SERPINI2: variants seen among roughly 807,000 people sequenced by gnomAD.
SERPINI2 encodes the protein serpin I2.
A neutral mutation model predicts 47.3 loss-of-function variants in SERPINI2; 48 were observed. The ratio of observed to expected loss-of-function variants is 1.02; its 90% CI spans 0.81 to 1.29. The LOEUF is 1.29. Among genes scored for constraint, SERPINI2 ranks in the 50% most tolerant of loss-of-function variants. The pLI is 0.00. For missense variants in SERPINI2, 448 were observed against 456.9 expected (o/e 0.98, Z 0.18); for synonymous variants, 135 against 149.3 (o/e 0.90, Z 0.70).
intron 7 of SERPINI2, among the ~76,000 whole-genome samples, chr3:167,449,018 C>G (rs1445668956): frequency 2.6e-5 from 4 of 152,152 alleles, no homozygotes; most frequent in Non-Finnish European, 4.4e-5. Context: ...TATTTGAGCC[C>G]TAAAGTTTTA....
At chr3:167,459,686 T>G (rs2108163622) in intron 5 of SERPINI2, among the ~76,000 whole-genome samples, 1 of 151,792 alleles carries the variant, frequency 6.6e-6, no homozygotes, top group South Asian at 2.1e-4. Flanking sequence ...GGGTGGTTTT[T>G]TTTTTTTTTT....
intron 6 of SERPINI2, among the ~76,000 whole-genome samples, chr3:167,451,446 A>G (rs1749638272): frequency 6.6e-6 from 1 of 152,252 alleles, no homozygotes; most frequent in Non-Finnish European, 1.5e-5. Flanking sequence ...TGTACAAATG[A>G]TAAGTAGAGA....
intron 2 of SERPINI2, among the ~76,000 whole-genome samples, chr3:167,470,552 T>TTTTTTTTTTTTTTTTTTTG (rs1750279470): frequency 1.9e-5 from 1 of 51,940 alleles, no homozygotes; most frequent in African/African-American, 6.6e-5. Flanking sequence ...AGCAACAACT[T>TTTTTTTTTTTTTTTTTTTG]TTTTTTTTTT....
At chr3:167,443,398 C>T (rs988187705) in intron 8 of SERPINI2, among the ~76,000 whole-genome samples, 6 of 152,162 alleles carry the variant, frequency 3.9e-5, no homozygotes, top group Non-Finnish European at 5.9e-5. Flanking sequence ...TGAGCCACCG[C>T]GCCTGGCCCA....
intron 5 of SERPINI2, among the ~76,000 whole-genome samples, chr3:167,457,380 G>A (rs1344350289): frequency 6.6e-6 from 1 of 152,182 alleles, no homozygotes; most frequent in African/African-American, 2.4e-5. Context: ...AGAATTCACA[G>A]CCCTCTTGTT....
chr3:167,449,640 C>T (rs1456045066), intron 6 of SERPINI2, among the ~76,000 whole-genome samples: 2 of 152,112 alleles, frequency 1.3e-5, no homozygotes, highest in Non-Finnish European at 2.9e-5. Context: ...ATTATAGGCT[C>T]CTGCCACCAC....
In SERPINI2 at chr3:167,465,202, CA is replaced by C; in HGVS notation, c.866+3del. The C allele has an allele frequency of 3.1e-6, 5 of 1,597,860 alleles. No homozygotes were observed. Among genetic ancestry groups the C allele is most frequent in the Non-Finnish European group, 4.3e-6 (5 of 1,175,992 alleles). Reference sequence around the variant, plus strand: ...AACTCGTATAATAAAATAACATCACCAACCTAGGGAGGCTTATTTCTACTTC... The same window carrying C: ...AACTCGTATAATAAAATAACATCACCACCTAGGGAGGCTTATTTCTACTTC... On this transcript the variant is annotated splice_donor_region_variant and intron_variant, in intron 5 of 8. Transcript: ENST00000264677.
chr3:167,462,368 C>T (rs1446005177), intron 5 of SERPINI2, among the ~76,000 whole-genome samples: 2 of 152,170 alleles, frequency 1.3e-5, no homozygotes, highest in East Asian at 3.8e-4. Flanking sequence ...AAGATGTCAG[C>T]AGTGCTGGAT....
At chr3:167,462,212 C>T (rs7611046) in intron 5 of SERPINI2, among the ~76,000 whole-genome samples, 6,703 of 152,280 alleles carry the variant, frequency 0.044, 494 homozygotes, top group African/African-American at 0.15. Context: ...CTTTCACTAT[C>T]ACCAAGATTT....
chr3:167,459,994 C>CT (rs1165654294), intron 5 of SERPINI2, among the ~76,000 whole-genome samples: 1 of 152,114 alleles, frequency 6.6e-6, no homozygotes, highest in Middle Eastern at 3.2e-3. Flanking sequence ...CTTCCAGCCA[C>CT]TATCGGAAGG....
In SERPINI2 at chr3:167,467,289, G is replaced by A; in HGVS notation, c.248-4C>T. 6.3e-7 allele frequency: 1 copy of A among 1,594,976 alleles called. No individual in the cohort carries two copies. Among genetic ancestry groups the A allele is most frequent in the East Asian group, 2.2e-5 (1 of 44,686 alleles). ...TTCAGTACAAAAAATTCTTCCCCTAGAAAATAATTTTAATGTATATTGGCA... is the reference window on the plus strand; with the variant it reads ...TTCAGTACAAAAAATTCTTCCCCTAAAAAATAATTTTAATGTATATTGGCA... On this transcript the variant is annotated splice_polypyrimidine_tract_variant and splice_region_variant and intron_variant, in intron 2 of 8. Coordinates refer to ENST00000264677, the Ensembl canonical transcript of SERPINI2.
chr3:167,465,347 T>G (rs1750102329), exon 5 of SERPINI2: 1 of 1,610,746 alleles, frequency 6.2e-7, no homozygotes, highest in Non-Finnish European at 8.5e-7. Context: ...TTCATCACCT[T>G]TGTAAGACAA....
chr3:167,458,245 C>CTTTTTT (rs949215365), intron 5 of SERPINI2, among the ~76,000 whole-genome samples: 46 of 105,196 alleles, frequency 4.4e-4, no homozygotes, highest in East Asian at 1.4e-3. Flanking sequence ...GAATTTCTTT[C>CTTTTTT]TTTTTTTTTT....
chr3:167,467,878 G>A (rs1406992791), intron 2 of SERPINI2, among the ~76,000 whole-genome samples: 5 of 152,080 alleles, frequency 3.3e-5, no homozygotes, highest in African/African-American at 9.7e-5. Context: ...TTTGGCTGTC[G>A]ACATCAACAA....
chr3:167,458,997 G>A (rs1749897561), intron 5 of SERPINI2, among the ~76,000 whole-genome samples: 1 of 151,644 alleles, frequency 6.6e-6, no homozygotes, highest in African/African-American at 2.4e-5. Flanking sequence ...TATATTTTCA[G>A]AATGATTCTT....
upstream of SERPINI2, among the ~76,000 whole-genome samples, chr3:167,475,730 G>T (rs1008392670): frequency 1.4e-4 from 21 of 149,072 alleles, no homozygotes; most frequent in African/African-American, 4.9e-4. Context: ...AATCGGGGTG[G>T]GGGGAGAATT....
chr3:167,473,702 C>T (rs1240366876), intron 1 of SERPINI2: 2 of 1,192,244 alleles, frequency 1.7e-6, no homozygotes, highest in South Asian at 1.7e-5. Context: ...TAAATTATAA[C>T]CTCAGACAAA....
chr3:167,450,102 A>T (rs1363246563), intron 6 of SERPINI2, among the ~76,000 whole-genome samples: 1 of 152,214 alleles, frequency 6.6e-6, no homozygotes, highest in Non-Finnish European at 1.5e-5. Flanking sequence ...CTCAAAGCCA[A>T]AGTGCCTTTT....
At chr3:167,462,485 A>G (rs1750011749) in intron 5 of SERPINI2, among the ~76,000 whole-genome samples, 1 of 151,002 alleles carries the variant, frequency 6.6e-6, no homozygotes, top group Non-Finnish European at 1.5e-5. Flanking sequence ...CTCCATGCAT[A>G]TCTCTGTCTA....
Sources: gnomAD v4.1 joint callset for allele counts (sites outside exome capture counted in the v4.1 genomes callset) on GRCh38, gnomAD v4.1.1 for gene constraint, MANE v1.5 for transcripts, NCBI Gene and HGNC (gene_info 2026-07-23, HGNC 2026-07-21) for gene names.